RBFOX1: variants seen among roughly 807,000 people sequenced by gnomAD.
The protein encoded by RBFOX1 is RNA binding protein fox-1 homolog 1.
In RBFOX1, 8 loss-of-function variants were observed where a neutral mutation model predicts 57.7. The ratio of observed to expected loss-of-function variants is 0.14; its 90% CI spans 0.08 to 0.25. The LOEUF (loss-of-function observed/expected upper bound fraction) is 0.25. RBFOX1 is among the 10% of genes least tolerant of loss of function. The pLI is 1.00. For missense variants in RBFOX1, 611 were observed against 548.5 expected (o/e 1.11, Z -1.14); for synonymous variants, 326 against 222.4 (o/e 1.47, Z -4.15).
intron 4 of RBFOX1, among the ~76,000 whole-genome samples, chr16:5,924,334 G>A (rs1271848837): frequency 6.6e-6 from 1 of 152,284 alleles, no homozygotes; most frequent in African/African-American, 2.4e-5. Flanking sequence ...CAAACCTCAT[G>A]TTAAAATTTG....
intron 3 of RBFOX1, among the ~76,000 whole-genome samples, chr16:6,924,193 T>TAAC (rs2075085270): frequency 6.7e-6 from 1 of 149,628 alleles, no homozygotes. Context: ...ATAATAATAA[T>TAAC]AGCAATAATG....
At chr16:6,559,053 A>G (rs536509914) in intron 2 of RBFOX1, among the ~76,000 whole-genome samples, 89 of 152,176 alleles carry the variant, frequency 5.8e-4, no homozygotes, top group African/African-American at 2.0e-3. Flanking sequence ...ATAGATGAGA[A>G]TATGTCTGTA....
At chr16:5,820,480 C>T (rs920910847) in intron 3 of RBFOX1, among the ~76,000 whole-genome samples, 2 of 152,170 alleles carry the variant, frequency 1.3e-5, no homozygotes, top group African/African-American at 4.8e-5. Flanking sequence ...ACCAGAGCTG[C>T]AGCTGCCCGC....
chr16:6,945,629 G>A (rs757315678), intron 3 of RBFOX1, among the ~76,000 whole-genome samples: 3 of 152,028 alleles, frequency 2.0e-5, no homozygotes, highest in African/African-American at 4.8e-5. Flanking sequence ...GGTGGCTCAC[G>A]CCTGTAATCC....
chr16:6,338,636 C>A (rs1209519547), intron 2 of RBFOX1, among the ~76,000 whole-genome samples: 1 of 152,144 alleles, frequency 6.6e-6, no homozygotes, highest in African/African-American at 2.4e-5. Context: ...GGTTAGAAAT[C>A]CACAACAGTG....
At chr16:6,637,396 AT>A (rs370534305) in intron 2 of RBFOX1, among the ~76,000 whole-genome samples, 2 of 8,186 alleles carry the variant, frequency 2.4e-4, no homozygotes, top group African/African-American at 3.6e-4. Flanking sequence ...TATATTATAT[AT>A]TAAATATATA....
At chr16:5,883,149 T>TA (rs2057805363) in intron 4 of RBFOX1, among the ~76,000 whole-genome samples, 2 of 152,168 alleles carry the variant, frequency 1.3e-5, no homozygotes, top group Admixed American at 6.5e-5. Flanking sequence ...CATTCTTAGA[T>TA]ATCAGGGGTT....
intron 1 of RBFOX1, among the ~76,000 whole-genome samples, chr16:6,146,520 TG>T (rs1300677325): frequency 6.6e-6 from 1 of 152,094 alleles, no homozygotes; most frequent in Non-Finnish European, 1.5e-5. Context: ...AAGAGTGCCT[TG>T]GCTGAGAACC....
intron 3 of RBFOX1, among the ~76,000 whole-genome samples, chr16:6,716,019 A>T (rs558916382): frequency 0.02 from 1,521 of 74,294 alleles, 19 homozygotes; most frequent in Non-Finnish European, 0.032. Context: ...CACAGCCTAC[A>T]TAAAGAAGCC....
intron 4 of RBFOX1, among the ~76,000 whole-genome samples, chr16:5,962,720 T>C (rs1302678443): frequency 6.6e-6 from 1 of 152,024 alleles, no homozygotes; most frequent in East Asian, 1.9e-4. Context: ...GTAAAAGTGG[T>C]AATAGTGTGT....
At chr16:7,164,769 T>A (rs2152412139) in intron 4 of RBFOX1, among the ~76,000 whole-genome samples, 2 of 152,352 alleles carry the variant, frequency 1.3e-5, no homozygotes, top group South Asian at 4.1e-4. Context: ...TAATCAAAAA[T>A]CCACCTTCTG....
rs147653715 is a variant in RBFOX1, at chr16:6,311,103, T to C, written c.-126-5892T>C. Among the ~76,000 whole-genome samples the C allele has an allele frequency of 5.8e-3, 875 of 151,928 alleles. 10 individuals carry two copies. The highest frequency in any genetic ancestry group is 0.019 in the African/African-American group (808 of 41,460). The stretch of plus-strand genomic sequence containing the variant: ...CAAGGTCAGGAGTTCAAGACCAGCC[T>C]GGCCGACATGGTGAAACCCTGTCTC... On this transcript the variant is annotated intron_variant, in intron 1 of 15. Coordinates refer to ENST00000550418, the MANE Select transcript of RBFOX1 (RefSeq NM_018723.4).
chr16:5,319,503 A>T (rs2064340795), intron 1 of RBFOX1, among the ~76,000 whole-genome samples: 1 of 152,158 alleles, frequency 6.6e-6, no homozygotes, highest in African/African-American at 2.4e-5. Flanking sequence ...TGGGAGTCTC[A>T]GGAGCCATCT....
chr16:6,100,212 G>C (rs564605142), intron 1 of RBFOX1, among the ~76,000 whole-genome samples: 1 of 152,182 alleles, frequency 6.6e-6, no homozygotes, highest in Non-Finnish European at 1.5e-5. Flanking sequence ...ACCCAGGCTG[G>C]AGTGCAGTGG....
intron 3 of RBFOX1, among the ~76,000 whole-genome samples, chr16:6,680,341 C>G (rs12148938): frequency 6.9e-6 from 1 of 145,672 alleles, no homozygotes; most frequent in Non-Finnish European, 1.5e-5. Flanking sequence ...CAGCTCACTG[C>G]AAGCTCCGCC....
At chr16:6,450,788 T>TATGTGTATATATATATATATAC (rs1555480534) in intron 2 of RBFOX1, among the ~76,000 whole-genome samples, 7 of 47,964 alleles carry the variant, frequency 1.5e-4, no homozygotes, top group African/African-American at 7.7e-4. Context: ...TATATATATA[T>TATGTGTATATATATATATATAC]ACATATATAT....
At chr16:5,683,943 G>A (rs1447054901) in intron 3 of RBFOX1, among the ~76,000 whole-genome samples, 1 of 151,926 alleles carries the variant, frequency 6.6e-6, no homozygotes, top group Admixed American at 6.6e-5. Context: ...ACTTGATTTT[G>A]ACATATTATC....
intron 4 of RBFOX1, among the ~76,000 whole-genome samples, chr16:5,898,664 G>T: frequency 6.6e-6 from 1 of 152,060 alleles, no homozygotes. Flanking sequence ...CAGGTAGTGA[G>T]TGGCAAGTCC....
intron 10 of RBFOX1, among the ~76,000 whole-genome samples, chr16:7,618,465 A>T (rs943315246): frequency 1.3e-5 from 2 of 152,070 alleles, no homozygotes; most frequent in African/African-American, 2.4e-5. Flanking sequence ...TGTGAAACTT[A>T]TTTCGTGGTT....
Sources: allele counts gnomAD v4.1 joint callset (sites outside exome capture counted in the v4.1 genomes callset), GRCh38; gene constraint gnomAD v4.1.1; transcripts MANE v1.5; gene names NCBI Gene and HGNC (gene_info 2026-07-23, HGNC 2026-07-21).